Variants in EVI5 observed in about 807,000 individuals in gnomAD.
EVI5 encodes the protein ecotropic viral integration site 5 protein homolog.
In EVI5, 73 loss-of-function variants were observed where a neutral mutation model predicts 112.0. That is an observed-to-expected ratio of 0.65 (90% CI 0.54 to 0.79). The LOEUF (loss-of-function observed/expected upper bound fraction) is 0.79. Among genes scored for constraint, EVI5 ranks in the 30% least tolerant of loss-of-function variants. EVI5 has a pLI of 0.00. For missense variants in EVI5, 900 were observed against 968.8 expected, an observed-to-expected ratio of 0.93 and a Z score of 0.94; for synonymous variants, 305 against 319.9, an observed-to-expected ratio of 0.95 and a Z score of 0.50.
upstream of EVI5, among the ~76,000 whole-genome samples, chr1:92,785,454 C>T (rs949823730): frequency 2.0e-5 from 3 of 152,242 alleles, no homozygotes; most frequent in African/African-American, 7.2e-5. Context: ...CCCTGGCACG[C>T]GGTGCTGACG....
intron 6 of EVI5, among the ~76,000 whole-genome samples, chr1:92,696,087 T>C (rs954853532): frequency 2.0e-5 from 3 of 151,966 alleles, no homozygotes; most frequent in East Asian, 1.9e-4. Flanking sequence ...CACACCACCA[T>C]GCCCAGCCAA....
At chr1:92,522,098 G>A (rs1661029058) in intron 19 of EVI5, among the ~76,000 whole-genome samples, 2 of 152,022 alleles carry the variant, frequency 1.3e-5, no homozygotes, top group African/African-American at 2.4e-5. Flanking sequence ...CTGGCTGCAC[G>A]GTATCTCATT....
chr1:92,777,053 T>C (rs927416625), intron 1 of EVI5, among the ~76,000 whole-genome samples: 10 of 151,978 alleles, frequency 6.6e-5, no homozygotes, highest in Non-Finnish European at 1.3e-4. Context: ...CCACCCGCCT[T>C]GGCCTCCCAA....
intron 18 of EVI5, among the ~76,000 whole-genome samples, chr1:92,579,018 C>T (rs922998423): frequency 2.0e-5 from 3 of 152,132 alleles, no homozygotes; most frequent in East Asian, 3.8e-4. Context: ...CAGCCTAAAC[C>T]TAAAATCAGG....
chr1:92,639,039 T>C (rs900479343), intron 13 of EVI5, among the ~76,000 whole-genome samples: 3 of 152,196 alleles, frequency 2.0e-5, no homozygotes, highest in African/African-American at 4.8e-5. Context: ...GCCACAATTA[T>C]GATGGCTGGC....
intron 1 of EVI5, among the ~76,000 whole-genome samples, chr1:92,783,808 C>CAAAAAA (rs58484805): frequency 4.2e-5 from 4 of 94,294 alleles, no homozygotes; most frequent in African/African-American, 1.2e-4. Flanking sequence ...GACTCCCTGT[C>CAAAAAA]AAAAAAAAAA....
intron 13 of EVI5, among the ~76,000 whole-genome samples, chr1:92,640,764 A>G (rs1299448409): frequency 1.3e-5 from 2 of 152,234 alleles, no homozygotes; most frequent in African/African-American, 4.8e-5. Context: ...ATTCTACTAT[A>G]AAGACACATA....
rs1317463965 is a variant in EVI5 at position 92,663,414 on chromosome 1, C to G, written c.1245+6G>C. On this transcript the variant is annotated splice_donor_region_variant and intron_variant, in intron 12 of 19. Transcript: ENST00000684568. ...TTAAAAAACTAAAACAAAACAAAAACTATACCTGTATCAATCTATCTGCCA... is the reference window on the plus strand; with the variant it reads ...TTAAAAAACTAAAACAAAACAAAAAGTATACCTGTATCAATCTATCTGCCA... 2 of 1,408,980 alleles carry G rather than the reference C, an allele frequency of 1.4e-6. No homozygotes were observed. Among genetic ancestry groups the G allele is most frequent in the Non-Finnish European group, 1.9e-6 (2 of 1,054,618 alleles). 87.3% of individuals were successfully genotyped at this position (1,408,980 alleles called of 1,614,324 possible).
At chr1:92,741,117 T>C (rs1249301103) in intron 1 of EVI5, among the ~76,000 whole-genome samples, 1 of 152,266 alleles carries the variant, frequency 6.6e-6, no homozygotes, top group Non-Finnish European at 1.5e-5. Context: ...TATTTAATTA[T>C]TGAAATGCTA....
intron 19 of EVI5, among the ~76,000 whole-genome samples, chr1:92,523,403 T>C (rs945805137): frequency 1.3e-5 from 2 of 151,978 alleles, no homozygotes; most frequent in Admixed American, 6.6e-5. Flanking sequence ...CCTGTTGAAA[T>C]AGTTATATTT....
intron 19 of EVI5, among the ~76,000 whole-genome samples, chr1:92,520,994 C>A (rs376257368): frequency 6.7e-6 from 1 of 148,646 alleles, no homozygotes; most frequent in African/African-American, 2.5e-5. Flanking sequence ...CAGGGTCTCA[C>A]TCTGTCACCC....
At chr1:92,678,636 A>G (rs1029679432) in intron 9 of EVI5, among the ~76,000 whole-genome samples, 85 of 152,188 alleles carry the variant, frequency 5.6e-4, no homozygotes, top group Non-Finnish European at 1.8e-4. Flanking sequence ...ATGCAACTCT[A>G]TGGTAAGTCT....
chr1:92,567,479 T>G (rs189916671), intron 18 of EVI5, among the ~76,000 whole-genome samples: 1 of 152,312 alleles, frequency 6.6e-6, no homozygotes, highest in African/African-American at 2.4e-5. Context: ...ATTTTAAATC[T>G]TTTATATCAT....
At chr1:92,655,310 A>T (rs1662814910) in intron 13 of EVI5, among the ~76,000 whole-genome samples, 1 of 149,416 alleles carries the variant, frequency 6.7e-6, no homozygotes, top group African/African-American at 2.5e-5. Flanking sequence ...CCAGAAAAAA[A>T]ATCACAATCC....
intron 2 of EVI5, among the ~76,000 whole-genome samples, chr1:92,735,820 A>C (rs1677325846): frequency 6.9e-6 from 1 of 144,560 alleles, no homozygotes; most frequent in Non-Finnish European, 1.5e-5. Flanking sequence ...ATTATATATT[A>C]TTATAATATA....
chr1:92,587,388 CAAAAAA>C (rs35229896), intron 18 of EVI5, among the ~76,000 whole-genome samples: 3 of 124,246 alleles, frequency 2.4e-5, no homozygotes, highest in Non-Finnish European at 3.5e-5. Flanking sequence ...GCTTCAGGGG[CAAAAAA>C]AAAAAAAAAA....
At chr1:92,651,460 A>C (rs1662074997) in intron 13 of EVI5, among the ~76,000 whole-genome samples, 1 of 152,240 alleles carries the variant, frequency 6.6e-6, no homozygotes, top group Non-Finnish European at 1.5e-5. Context: ...AAAGTTAAAA[A>C]AAGATTTGAA....
chr1:92,563,768 C>G, intron 18 of EVI5, 31 bp from the exon 19 acceptor site: 5 of 1,434,378 alleles, frequency 3.5e-6, no homozygotes, highest in Non-Finnish European at 4.9e-6. Context: ...AAAGCAAAAA[C>G]AAGAGGCAAT....
chr1:92,744,879 T>G (rs12073961), intron 1 of EVI5, among the ~76,000 whole-genome samples: 3 of 152,182 alleles, frequency 2.0e-5, no homozygotes, highest in Non-Finnish European at 4.4e-5. Flanking sequence ...GGCATTATTA[T>G]ACACTGTCAA....
Sources: gnomAD v4.1 joint callset for allele counts (sites outside exome capture counted in the v4.1 genomes callset) on GRCh38, gnomAD v4.1.1 for gene constraint, MANE v1.5 for transcripts, NCBI Gene and HGNC (gene_info 2026-07-23, HGNC 2026-07-21) for gene names.